PHF20: variants seen among roughly 807,000 people sequenced by gnomAD.
PHF20 encodes the protein glioma-expressed antigen 2.
In PHF20, 23 loss-of-function variants were observed where a neutral mutation model predicts 113.5. The ratio of observed to expected loss-of-function variants is 0.20; its 90% CI spans 0.15 to 0.29. PHF20 has a LOEUF of 0.29. PHF20 is among the 10% of genes least tolerant of loss of function. PHF20 has a pLI of 1.00. For synonymous variants in PHF20, 434 were observed against 457.3 expected (o/e 0.95, Z 0.65); for missense variants, 943 against 1,219.6 (o/e 0.77, Z 3.38).
intron 1 of PHF20, among the ~76,000 whole-genome samples, chr20:35,794,333 C>G (rs1199774830): frequency 6.6e-6 from 1 of 151,810 alleles, no homozygotes; most frequent in Non-Finnish European, 1.5e-5. Flanking sequence ...AGAAATGACC[C>G]TTATGTATGT....
chr20:35,940,691 G>A (rs2055960599), intron 16 of PHF20, among the ~76,000 whole-genome samples, 173 bp from the exon 17 acceptor site: 1 of 152,200 alleles, frequency 6.6e-6, no homozygotes, highest in African/African-American at 2.4e-5. Flanking sequence ...AGTTGGAATT[G>A]GTACAGTGGG....
At chr20:35,821,867 G>A (rs2042174429) in intron 2 of PHF20, among the ~76,000 whole-genome samples, 1 of 152,178 alleles carries the variant, frequency 6.6e-6, no homozygotes, top group African/African-American at 2.4e-5. Flanking sequence ...CGACATGTAA[G>A]AGATAGAGAA....
chr20:35,925,863 C>G (rs998135250), intron 13 of PHF20, among the ~76,000 whole-genome samples: 4 of 151,798 alleles, frequency 2.6e-5, no homozygotes, highest in Admixed American at 1.3e-4. Flanking sequence ...TGGCTCATGC[C>G]TATAATCCCA....
At position 35,914,137 on chromosome 20, in the gene PHF20, A is replaced by T. The variant is rs199972817; in HGVS notation, c.1765A>T (p.Met589Leu). Residue 589 changes from methionine to leucine, a missense_variant, in exon 12 of 18, where the codon ATG (methionine) becomes TTG (leucine). Met to Leu is a conservative substitution (Grantham distance 15). Transcript: ENST00000374012. ...CGSSHKPGVHMSPQLHGPESG... is the reference protein window; with the variant it reads ...CGSSHKPGVHLSPQLHGPESG... ...GTCCTCACACAAGCCAGGGGTCCAT[A>T]TGAGCCCGCAGCTTCATGGCCCAGA... 4 of 1,614,064 alleles carry T rather than the reference A, an allele frequency of 2.5e-6. No homozygotes were observed. Among genetic ancestry groups the T allele is most frequent in the African/African-American group, 1.3e-5 (1 of 74,904 alleles).
chr20:35,947,971 G>T lies in PHF20; in HGVS notation c.*344G>T. 4.9e-6 allele frequency: 1 copy of T among 204,140 alleles called. No homozygotes were observed. 12.6% of individuals were successfully genotyped at this position (204,140 alleles called of 1,614,324 possible). A position where few individuals can be genotyped will look rare whatever the true frequency, so the allele number is the denominator to read the frequency against. Reference sequence around the variant, plus strand: ...CAAAAAAGTTTAGTTGGAGACAGTTGTAAATTCAATTTGGAGTTTATTTAA... The same window carrying T: ...CAAAAAAGTTTAGTTGGAGACAGTTTTAAATTCAATTTGGAGTTTATTTAA... On this transcript the variant is annotated 3_prime_UTR_variant, in exon 18 of 18. Coordinates refer to ENST00000374012, the MANE Select transcript of PHF20 (RefSeq NM_016436.5).
intron 2 of PHF20, among the ~76,000 whole-genome samples, chr20:35,810,122 G>A (rs2041951512): frequency 6.6e-6 from 1 of 152,008 alleles, no homozygotes; most frequent in African/African-American, 2.4e-5. Context: ...TAGAGATGGG[G>A]TTTCATTATG....
At chr20:35,921,648 C>T (rs1290900534) in intron 13 of PHF20, among the ~76,000 whole-genome samples, 2 of 152,034 alleles carry the variant, frequency 1.3e-5, no homozygotes, top group African/African-American at 4.8e-5. Context: ...TATTCTGTTG[C>T]ACTCCAGCCT....
At chr20:35,792,192 A>G (rs906200817) in intron 1 of PHF20, among the ~76,000 whole-genome samples, 8 of 151,562 alleles carry the variant, frequency 5.3e-5, no homozygotes, top group African/African-American at 1.9e-4. Flanking sequence ...TTCTTTCTTC[A>G]CTCTTCTTTT....
intron 1 of PHF20, among the ~76,000 whole-genome samples, chr20:35,784,772 C>T (rs778171820): frequency 7.3e-5 from 11 of 151,586 alleles, no homozygotes; most frequent in African/African-American, 7.3e-5. Flanking sequence ...TAGTGGGGGC[C>T]GGGTGCGGTG....
intron 9 of PHF20, among the ~76,000 whole-genome samples, chr20:35,884,301 G>A (rs2054686457): frequency 6.6e-6 from 1 of 152,182 alleles, no homozygotes; most frequent in Non-Finnish European, 1.5e-5. Context: ...TTTTTAAACC[G>A]AGATGGAGTC....
At chr20:35,822,092 C>A (rs1383664263) in intron 2 of PHF20, among the ~76,000 whole-genome samples, 3 of 152,042 alleles carry the variant, frequency 2.0e-5, no homozygotes, top group Non-Finnish European at 2.9e-5. Context: ...AAGTGTGAGC[C>A]CTGGGTTAGA....
At chr20:35,934,294 G>C (rs369371154) in intron 15 of PHF20, among the ~76,000 whole-genome samples, 3 of 152,322 alleles carry the variant, frequency 2.0e-5, no homozygotes, top group African/African-American at 7.2e-5. Context: ...TTGGGTCTGC[G>C]TTGGTTTGGG....
intron 4 of PHF20, among the ~76,000 whole-genome samples, chr20:35,848,408 C>G (rs949780874): frequency 6.6e-6 from 1 of 151,996 alleles, no homozygotes; most frequent in African/African-American, 2.4e-5. Flanking sequence ...GCTGGGATTA[C>G]CAACGTGCAC....
chr20:35,793,781 G>T (rs1174465876), intron 1 of PHF20, among the ~76,000 whole-genome samples: 47 of 145,644 alleles, frequency 3.2e-4, no homozygotes, highest in Middle Eastern at 7.7e-3. Flanking sequence ...GTGGATCACT[G>T]GAGGTCAGGA....
chr20:35,925,015 G>A (rs1184896687), intron 13 of PHF20, among the ~76,000 whole-genome samples: 4 of 152,068 alleles, frequency 2.6e-5, no homozygotes, highest in African/African-American at 9.7e-5. Flanking sequence ...TGTTTGAAAT[G>A]CCACCTTTAT....
chr20:35,874,400 C>A (rs1354847514), intron 9 of PHF20, among the ~76,000 whole-genome samples: 1 of 152,158 alleles, frequency 6.6e-6, no homozygotes, highest in Non-Finnish European at 1.5e-5. Context: ...TTTATTTCTT[C>A]GAAGATTTCT....
At chr20:35,812,715 A>G (rs984161159) in intron 2 of PHF20, among the ~76,000 whole-genome samples, 2 of 152,084 alleles carry the variant, frequency 1.3e-5, no homozygotes, top group African/African-American at 2.4e-5. Flanking sequence ...TATCACTTGG[A>G]TAAGGTAATG....
chr20:35,826,679 G>A (rs375305243), intron 2 of PHF20, among the ~76,000 whole-genome samples: 9 of 152,188 alleles, frequency 5.9e-5, no homozygotes, highest in East Asian at 3.8e-4. Flanking sequence ...GAAAATTTAA[G>A]CAGGAGAGAG....
rs528081048 is a variant in PHF20 at position 35,888,037 on chromosome 20, A to G, written c.1283-11333A>G. 6.0e-5 allele frequency among the ~76,000 whole-genome samples: 9 copies of G among 149,310 alleles called. No individual in the cohort carries two copies. In the South Asian group the frequency reaches 1.5e-3, roughly 24 times the overall value. On this transcript the variant is annotated intron_variant, in intron 9 of 17. Coordinates refer to ENST00000374012, the MANE Select transcript of PHF20 (RefSeq NM_016436.5). ...CTCTTGTTGCCCAGGCTGGAGTGCA[A>G]TGGTGCGATCTCGGCCCACCGCAAC... is the stretch of plus-strand genomic sequence containing the variant.
Sources: gnomAD v4.1 joint callset for allele counts (sites outside exome capture counted in the v4.1 genomes callset) on GRCh38, gnomAD v4.1.1 for gene constraint, MANE v1.5 for transcripts, NCBI Gene and HGNC (gene_info 2026-07-23, HGNC 2026-07-21) for gene names.